Variants in FAM162A observed in about 807,000 individuals in gnomAD.
FAM162A encodes family with sequence similarity 162 member A, also known as protein FAM162A.
In FAM162A, 23 loss-of-function variants were observed where a neutral mutation model predicts 21.8. The ratio of observed to expected loss-of-function variants is 1.05; its 90% CI spans 0.76 to 1.49. The LOEUF (loss-of-function observed/expected upper bound fraction) is 1.49. Among genes scored for constraint, FAM162A ranks in the 40% most tolerant of loss-of-function variants. FAM162A has a pLI of 0.00. For missense variants in FAM162A, 165 were observed against 186.4 expected (o/e 0.89, Z 0.67); for synonymous variants, 53 against 61.3 (o/e 0.86, Z 0.64).
chr3:122,397,985 A>G (rs2075636936), intron 1 of FAM162A, among the ~76,000 whole-genome samples: 1 of 152,214 alleles, frequency 6.6e-6, no homozygotes, highest in Non-Finnish European at 1.5e-5. Context: ...AAAGAAAGCT[A>G]TCAATGACCA....
intron 4 of FAM162A, chr3:122,407,656 C>G (rs1003696833): frequency 6.2e-6 from 3 of 482,210 alleles, no homozygotes; most frequent in African/African-American, 5.8e-5. Flanking sequence ...TTTCTGATGA[C>G]AGGTGTCATA....
At chr3:122,406,234 A>C (rs2075676003) in intron 3 of FAM162A, among the ~76,000 whole-genome samples, 1 of 152,200 alleles carries the variant, frequency 6.6e-6, no homozygotes, top group African/African-American at 2.4e-5. Flanking sequence ...AGGGCTCCAC[A>C]TCCCCTGCCT....
At chr3:122,397,350 A>T (rs2075633293) in intron 1 of FAM162A, among the ~76,000 whole-genome samples, 1 of 152,204 alleles carries the variant, frequency 6.6e-6, no homozygotes, top group Admixed American at 6.5e-5. Flanking sequence ...CAAGACACCC[A>T]AGTGGGAGTT....
chr3:122,391,633 C>T (rs957512215), intron 1 of FAM162A, among the ~76,000 whole-genome samples: 1 of 152,214 alleles, frequency 6.6e-6, no homozygotes, highest in Non-Finnish European at 1.5e-5. Context: ...TCCTTACCCT[C>T]CATAACTACC....
chr3:122,407,416 G>A (rs757588012), intron 4 of FAM162A, 27 bp downstream of exon 4: 19 of 1,545,850 alleles, frequency 1.2e-5, no homozygotes, highest in Non-Finnish European at 1.8e-6. Context: ...TCTCTATCCA[G>A]TATGTATGTT....
rs2075683588 is a variant in FAM162A, at chr3:122,407,745, A to G, written c.372+356A>G. 1.6e-5 allele frequency: 5 copies of G among 317,844 alleles called. No homozygotes were observed. In the East Asian group the frequency reaches 2.7e-4, roughly 17 times the overall value. The allele number at this position is 317,844 out of a possible 1,614,324, so 19.7% of individuals were successfully genotyped here. ...CAGAGTGCTCTTGGTACCCAAGTGTATTTACCCTCACCATAACTGCCTTCA... is the reference window on the plus strand; with the variant it reads ...CAGAGTGCTCTTGGTACCCAAGTGTGTTTACCCTCACCATAACTGCCTTCA... On this transcript the variant is annotated intron_variant, in intron 4 of 4. Transcript: ENST00000477892.
At chr3:122,394,802 C>T (rs2075619973) in intron 1 of FAM162A, among the ~76,000 whole-genome samples, 1 of 152,034 alleles carries the variant, frequency 6.6e-6, no homozygotes, top group Non-Finnish European at 1.5e-5. Flanking sequence ...CCACATTATC[C>T]TCATACCAAA....
intron 1 of FAM162A, among the ~76,000 whole-genome samples, chr3:122,391,711 C>G (rs2075605093): frequency 6.6e-6 from 1 of 152,216 alleles, no homozygotes; most frequent in South Asian, 2.1e-4. Context: ...CCATACTGGC[C>G]TTCTCTTTAT....
intron 3 of FAM162A, among the ~76,000 whole-genome samples, chr3:122,407,060 G>T (rs1428761567): frequency 3.4e-5 from 5 of 149,056 alleles, no homozygotes; most frequent in Non-Finnish European, 7.4e-5. Flanking sequence ...ACTTAATTGT[G>T]TGCTATCCTG....
intron 2 of FAM162A, 101 bp downstream of exon 2, chr3:122,402,983 C>A: frequency 7.7e-7 from 1 of 1,294,800 alleles, no homozygotes. Context: ...CTATATCATA[C>A]CCTCCCATGT....
intron 1 of FAM162A, among the ~76,000 whole-genome samples, chr3:122,394,345 G>GC (rs1265872510): frequency 4.6e-5 from 7 of 152,192 alleles, no homozygotes; most frequent in Admixed American, 1.3e-4. Context: ...CAGACTGCCT[G>GC]CCTGAGGGTA....
rs1171132727 is a variant in FAM162A, at chr3:122,397,783, ATTTAT to A, written c.35-4971_35-4967del. 6.6e-5 allele frequency among the ~76,000 whole-genome samples: 10 copies of A among 152,216 alleles called. 1 individual carries two copies. Among genetic ancestry groups the A allele is most frequent in the Admixed American group, 6.5e-4 (10 of 15,274 alleles). On this transcript the variant is annotated intron_variant, in intron 1 of 4. Transcript: ENST00000477892. ...TAATCAAAACTAATGTCTTAAATGT[ATTTAT>A]TTTATGAAGGTATTTCCTAGCTTTG... is the stretch of plus-strand genomic sequence containing the variant.
rs999643372 is a variant in FAM162A, at chr3:122,394,196, AACT to A, written c.35-8562_35-8560del. Among the ~76,000 whole-genome samples, 53 of 152,154 alleles carry A rather than the reference AACT, an allele frequency of 3.5e-4. 1 individual carries two copies. Among genetic ancestry groups the A allele is most frequent in the Non-Finnish European group, 7.4e-5 (5 of 68,020 alleles). ...GACAGCACCAAGAAGGATGGTGCTA[AACT>A]ATTCATGAGAAATCCACCCCCATGA... is the stretch of plus-strand genomic sequence containing the variant. On this transcript the variant is annotated intron_variant, in intron 1 of 4. Coordinates refer to ENST00000477892, the MANE Select transcript of FAM162A (RefSeq NM_014367.4).
At chr3:122,400,795 C>G (rs1031296788) in intron 1 of FAM162A, among the ~76,000 whole-genome samples, 1 of 151,916 alleles carries the variant, frequency 6.6e-6, no homozygotes, top group Admixed American at 6.5e-5. Context: ...CCACTGCACT[C>G]CAGCCTGGGC....
intron 4 of FAM162A, among the ~76,000 whole-genome samples, chr3:122,408,430 C>T (rs1430625297): frequency 3.9e-5 from 6 of 152,220 alleles, no homozygotes; most frequent in Non-Finnish European, 8.8e-5. Context: ...CTAAAAAGGT[C>T]CTTCTATACA....
chr3:122,401,493 G>T lies in FAM162A; in HGVS notation c.35-1267G>T, dbSNP rs893455118. 5.6e-6 allele frequency: 7 copies of T among 1,259,246 alleles called. No homozygotes were observed. In the African/African-American group the frequency reaches 1.1e-4, roughly 20 times the overall value. The allele number at this position is 1,259,246 out of a possible 1,614,324, so 78.0% of individuals were successfully genotyped here. Reference sequence around the variant, plus strand: ...AAGAAGGGGGCTATCTCTTCGCAAAGATTTAAGTATCTTATAAGAACTGTT... The same window carrying T: ...AAGAAGGGGGCTATCTCTTCGCAAATATTTAAGTATCTTATAAGAACTGTT... On this transcript the variant is annotated intron_variant, in intron 1 of 4. Transcript: ENST00000477892.
intron 1 of FAM162A, among the ~76,000 whole-genome samples, chr3:122,395,756 A>G (rs1167041975): frequency 6.6e-6 from 1 of 152,212 alleles, no homozygotes; most frequent in African/African-American, 2.4e-5. Context: ...TAAAAAGAAA[A>G]GCCAAGTTGG....
At chr3:122,397,433 T>A (rs777976730) in intron 1 of FAM162A, among the ~76,000 whole-genome samples, 2 of 152,206 alleles carry the variant, frequency 1.3e-5, no homozygotes, top group Non-Finnish European at 2.9e-5. Context: ...GAGGGCACAC[T>A]CTTACTGCAT....
rs1039409642 is a variant in FAM162A at position 122,399,710 on chromosome 3, T to G, written c.35-3050T>G. Among the ~76,000 whole-genome samples the G allele has an allele frequency of 7.9e-5, 12 of 152,212 alleles. No individual in the cohort carries two copies. In the East Asian group the frequency reaches 2.3e-3, roughly 29 times the overall value. On this transcript the variant is annotated intron_variant, in intron 1 of 4. Coordinates refer to ENST00000477892, the MANE Select transcript of FAM162A (RefSeq NM_014367.4). Reference sequence around the variant, plus strand: ...GTCTTTGAGGAATCGCCATACTTCTTTCCACAATGGTTGAACTAATTTATA... The same window carrying G: ...GTCTTTGAGGAATCGCCATACTTCTGTCCACAATGGTTGAACTAATTTATA...
Sources: allele counts gnomAD v4.1 joint callset (sites outside exome capture counted in the v4.1 genomes callset), GRCh38; gene constraint gnomAD v4.1.1; transcripts MANE v1.5; gene names NCBI Gene and HGNC (gene_info 2026-07-23, HGNC 2026-07-21).